TTC7A: variants seen among roughly 807,000 people sequenced by gnomAD.
TTC7A encodes the protein tetratricopeptide repeat protein 7A.
In TTC7A, 110 loss-of-function variants were observed where a neutral mutation model predicts 103.7. That is an observed-to-expected ratio of 1.06 (90% confidence interval 0.91 to 1.24). The LOEUF is 1.24. Among genes scored for constraint, TTC7A ranks in the 50% most tolerant of loss-of-function variants. TTC7A has a pLI of 0.00. For synonymous variants in TTC7A, 521 were observed against 467.9 expected (o/e 1.11, Z -1.47); for missense variants, 1,340 against 1,116.3 (o/e 1.20, Z -2.86).
At chr2:46,990,611 T>C (rs887962473) in intron 5 of TTC7A, among the ~76,000 whole-genome samples, 2 of 152,236 alleles carry the variant, frequency 1.3e-5, no homozygotes, top group Non-Finnish European at 1.5e-5. Context: ...GAACCTCTGC[T>C]ACATGCCTGA....
chr2:46,967,008 T>A (rs1572752369), intron 3 of TTC7A, among the ~76,000 whole-genome samples: 1 of 150,414 alleles, frequency 6.6e-6, no homozygotes, highest in Admixed American at 6.6e-5. Flanking sequence ...AGGTCAGGAG[T>A]TCAAGACCAG....
At chr2:47,057,117 G>A (rs1288152706) in intron 18 of TTC7A, among the ~76,000 whole-genome samples, 4 of 152,230 alleles carry the variant, frequency 2.6e-5, no homozygotes, top group East Asian at 1.9e-4. Context: ...GCAAAGCGTC[G>A]AGCAGGAGCC....
chr2:46,980,593 C>T (rs11893750), intron 5 of TTC7A, among the ~76,000 whole-genome samples: 26,216 of 152,200 alleles, frequency 0.17, 2,439 homozygotes, highest in Admixed American at 0.2. Flanking sequence ...AGTTCTCTGA[C>T]ACCAGCTGGG....
intron 2 of TTC7A, among the ~76,000 whole-genome samples, chr2:46,954,851 G>GT (rs911400367): frequency 6.6e-6 from 1 of 152,150 alleles, no homozygotes; most frequent in Admixed American, 6.5e-5. Flanking sequence ...GATTACAGGC[G>GT]TGAGCCACCG....
At chr2:46,949,759 C>T (rs1264644014) in intron 1 of TTC7A, among the ~76,000 whole-genome samples, 2 of 152,150 alleles carry the variant, frequency 1.3e-5, no homozygotes, top group Non-Finnish European at 2.9e-5. Context: ...GGTATGGTGG[C>T]TGATGCCTGT....
chr2:46,935,454 A>G (rs533736943), intron 2 of TTC7A, among the ~76,000 whole-genome samples: 2 of 152,246 alleles, frequency 1.3e-5, no homozygotes, highest in African/African-American at 4.8e-5. Flanking sequence ...ACACTTCATA[A>G]CTATTCCAAC....
At chr2:46,980,022 C>T (rs1381896034) in intron 5 of TTC7A, among the ~76,000 whole-genome samples, 1 of 152,208 alleles carries the variant, frequency 6.6e-6, no homozygotes, top group Non-Finnish European at 1.5e-5. Context: ...AGGTCAGGGT[C>T]ACACAGCTTT....
intron 1 of TTC7A, among the ~76,000 whole-genome samples, chr2:46,948,265 A>C (rs931909375): frequency 3.3e-5 from 5 of 152,210 alleles, no homozygotes; most frequent in African/African-American, 9.6e-5. Flanking sequence ...TTACAGAGGC[A>C]AAGCAGGTTA....
chr2:47,028,000 C>G (rs1680101443), intron 14 of TTC7A, among the ~76,000 whole-genome samples: 1 of 152,176 alleles, frequency 6.6e-6, no homozygotes, highest in Non-Finnish European at 1.5e-5. Flanking sequence ...GGAGCTTTTT[C>G]TCTGAGGGTA....
chr2:46,941,336 G>C lies in TTC7A; in HGVS notation c.-206G>C, dbSNP rs1203053910. 5 of 252,350 alleles carry C rather than the reference G, an allele frequency of 2.0e-5. No individual in the cohort carries two copies. The highest frequency in any genetic ancestry group is 3.4e-5 in the Non-Finnish European group (5 of 147,802). The allele number at this position is 252,350 out of a possible 1,614,324, so 15.6% of individuals were successfully genotyped here. A position where few individuals can be genotyped will look rare whatever the true frequency, so the allele number is the denominator to read the frequency against. On this transcript the variant is annotated 5_prime_UTR_variant, in exon 1 of 20. Transcript: ENST00000319190. This position sits in a 1 kb window ranked among gnomAD's most constrained non-coding sequence, Gnocchi z 4.2. The stretch of plus-strand genomic sequence containing the variant: ...GCTCGGCCGGAGCCGCAGCCCGGAG[G>C]CGCCGGGCGGTGCGCTGGGAGCTGC...
chr2:47,073,338 CT>C (rs1393289628), intron 19 of TTC7A, among the ~76,000 whole-genome samples: 1 of 151,730 alleles, frequency 6.6e-6, no homozygotes, highest in Non-Finnish European at 1.5e-5. Flanking sequence ...GAGAGAGATG[CT>C]GTGATTTTTC....
At chr2:47,005,823 A>G (rs528500188) in intron 8 of TTC7A, 99 bp from the exon 9 acceptor site, 52 of 1,394,094 alleles carry the variant, frequency 3.7e-5, no homozygotes, top group Non-Finnish European at 5.0e-5. Context: ...AGTGGCAAAA[A>G]GGTGATAGCG....
At chr2:47,003,943 G>T (rs1182395451) in intron 8 of TTC7A, among the ~76,000 whole-genome samples, 1 of 152,218 alleles carries the variant, frequency 6.6e-6, no homozygotes, top group African/African-American at 2.4e-5. Context: ...TGGCTCAGGG[G>T]ACTAGCTCCT....
At chr2:47,066,567 A>G (rs933179281) in intron 19 of TTC7A, among the ~76,000 whole-genome samples, 5 of 152,056 alleles carry the variant, frequency 3.3e-5, no homozygotes, top group South Asian at 2.1e-4. Flanking sequence ...CTCCCCCATC[A>G]TGGAGGGTTG....
At chr2:47,031,398 C>G (rs1215911443) in intron 15 of TTC7A, among the ~76,000 whole-genome samples, 1 of 152,196 alleles carries the variant, frequency 6.6e-6, no homozygotes, top group Non-Finnish European at 1.5e-5. Context: ...CTGCGCACCT[C>G]TCTGGCAGGG....
chr2:46,993,349 C>A, intron 5 of TTC7A, 101 bp from the exon 6 acceptor site: 1 of 1,111,224 alleles, frequency 9.0e-7, no homozygotes, highest in Non-Finnish European at 1.4e-6. Flanking sequence ...TCAAATAAAA[C>A]TCCAGCAGTC....
chr2:47,027,969 A>G (rs991520701), intron 14 of TTC7A, among the ~76,000 whole-genome samples: 7 of 152,176 alleles, frequency 4.6e-5, no homozygotes, highest in African/African-American at 1.7e-4. Context: ...AGGAGTGCGC[A>G]GGCCAGGGCC....
intron 14 of TTC7A, among the ~76,000 whole-genome samples, chr2:47,025,286 C>T (rs867318626): frequency 6.6e-6 from 1 of 152,204 alleles, no homozygotes; most frequent in Non-Finnish European, 1.5e-5. Flanking sequence ...CGGGCCACAG[C>T]AGTCCCATTT....
At chr2:46,938,158 G>A (rs1262037656), upstream of TTC7A, among the ~76,000 whole-genome samples, 1 of 151,994 alleles carries the variant, frequency 6.6e-6, no homozygotes, top group Non-Finnish European at 1.5e-5. Flanking sequence ...AAGAGCCCTA[G>A]AATTAAGAAA....
Sources: gnomAD v4.1 joint callset for allele counts (sites outside exome capture counted in the v4.1 genomes callset) on GRCh38, gnomAD v4.1.1 for gene constraint, Gnocchi (gnomAD v3.1) non-coding constraint, MANE v1.5 for transcripts, NCBI Gene and HGNC (gene_info 2026-07-23, HGNC 2026-07-21) for gene names.